VPS13C: variants seen among roughly 807,000 people sequenced by gnomAD.
VPS13C encodes intermembrane lipid transfer protein VPS13C.
A neutral mutation model predicts 456.8 loss-of-function variants in VPS13C; 358 were observed. That is an observed-to-expected ratio of 0.78 (90% confidence interval 0.72 to 0.86). VPS13C has a LOEUF of 0.86. Ranked by LOEUF, VPS13C falls within the 40% of genes least tolerant of loss-of-function variation. The pLI, the probability that VPS13C is intolerant of heterozygous loss-of-function variation, is 0.00. For synonymous variants in VPS13C, 1,578 were observed against 1,486.7 expected, an observed-to-expected ratio of 1.06 and a Z score of -1.41; for missense variants, 4,818 against 4,385.4, an observed-to-expected ratio of 1.10 and a Z score of -2.79.
intron 29 of VPS13C, among the ~76,000 whole-genome samples, chr15:61,966,884 T>G (rs570916141): frequency 6.6e-6 from 1 of 152,018 alleles, no homozygotes; most frequent in Non-Finnish European, 1.5e-5. Flanking sequence ...TCCAGAAGTA[T>G]TCAATAAATA....
Position 61,910,439 on chromosome 15 carries a change from T to C in VPS13C, c.8716-134A>G, listed in dbSNP as rs10851705. The C allele has an allele frequency of 0.53, 310,408 of 590,044 alleles. 83,435 individuals are homozygous for C. The highest frequency in any genetic ancestry group is 0.64 in the Admixed American group (13,510 of 21,244). 36.6% of individuals were successfully genotyped at this position (590,044 alleles called of 1,614,324 possible). On this transcript the variant is annotated intron_variant, in intron 63 of 84. Transcript: ENST00000644861. ...ATGAAGTTTCTAAAAATATGTCCTC[T>C]ACATCTCATAGTAAGATTACTGACA... is the stretch of plus-strand genomic sequence containing the variant.
chr15:61,930,153 C>T (rs1449071250), intron 50 of VPS13C, among the ~76,000 whole-genome samples: 1 of 152,090 alleles, frequency 6.6e-6, no homozygotes, highest in African/African-American at 2.4e-5. Context: ...ATAAAACCTC[C>T]CTGAAGGAAT....
intron 66 of VPS13C, among the ~76,000 whole-genome samples, chr15:61,896,351 C>T (rs995424823): frequency 1.3e-5 from 2 of 152,184 alleles, no homozygotes; most frequent in African/African-American, 4.8e-5. Flanking sequence ...AGGTTCATCT[C>T]ACTAGGGAGT....
At chr15:62,015,745 GA>G (rs2047215610) in intron 9 of VPS13C, among the ~76,000 whole-genome samples, 2 of 119,310 alleles carry the variant, frequency 1.7e-5, no homozygotes, top group African/African-American at 3.2e-5. Flanking sequence ...ATGGACACAG[GA>G]AGGGGAATAT....
At chr15:62,000,676 A>C in intron 15 of VPS13C, 50 bp from the exon 16 acceptor site, 1 of 1,517,768 alleles carries the variant, frequency 6.6e-7, no homozygotes, top group Admixed American at 2.1e-5. Flanking sequence ...CATTAGATAA[A>C]AGAAATTTTT....
rs201200169 is a variant in VPS13C, at chr15:61,984,802, T to C, written c.1721+55A>G. On this transcript the variant is annotated intron_variant, in intron 19 of 84. Coordinates refer to ENST00000644861, the MANE Select transcript of VPS13C (RefSeq NM_020821.3). ...TTTTAAACCTGAATAACACACATTT[T>C]TTGCCTAAAACTATAACTAAAAGTA... 282 of 1,550,680 alleles carry C rather than the reference T, an allele frequency of 1.8e-4. No homozygotes were observed. In the African/African-American group the frequency reaches 3.7e-3, roughly 20 times the overall value.
At chr15:62,050,170 C>T (rs1422136209) in intron 1 of VPS13C, among the ~76,000 whole-genome samples, 2 of 152,134 alleles carry the variant, frequency 1.3e-5, no homozygotes, top group Admixed American at 6.5e-5. Flanking sequence ...AAAAAACAAA[C>T]AGGGATATGT....
chr15:61,997,884 A>C (rs565389441), intron 16 of VPS13C, among the ~76,000 whole-genome samples: 18 of 152,302 alleles, frequency 1.2e-4, no homozygotes. Context: ...AGCCAGGGTG[A>C]ATTTTAAAAC....
chr15:61,886,994 G>C (rs1324378904), intron 67 of VPS13C, among the ~76,000 whole-genome samples: 1 of 152,126 alleles, frequency 6.6e-6, no homozygotes, highest in African/African-American at 2.4e-5. Context: ...ACCAGGATTA[G>C]GAACAAGGCA....
At position 61,882,655 on chromosome 15, in the gene VPS13C, T is replaced by C. The variant is rs1251275044; in HGVS notation, c.9565A>G (p.Ile3189Val). 2.5e-6 allele frequency: 4 copies of C among 1,602,958 alleles called. No homozygotes were observed. In the African/African-American group the frequency reaches 4.0e-5, roughly 16 times the overall value. Residue 3189 changes from isoleucine to valine, a missense_variant, in exon 69 of 85, where the codon ATT becomes GTT. Physicochemically the swap from Ile to Val is conservative, Grantham distance 29. Around this residue, in one of 3 missense-constraint regions of VPS13C, gnomAD observed 4,552 missense variants for 4,130.6 expected, o/e 1.10. Transcript: ENST00000644861. ...IKRDFLSGIQ[I>V]EFKQSSHQRS... The stretch of plus-strand genomic sequence containing the variant: ...TGGTGAGAAGACTGCTTAAATTCAA[T>C]CTGAATTCCTGATAAAAAGTCTCGT...
chr15:61,865,338 C>A (rs8037603), intron 81 of VPS13C: 470,225 of 966,598 alleles, frequency 0.49, 115,608 homozygotes, highest in Admixed American at 0.59. Context: ...TGAATTAAGA[C>A]GAGATAAAAA....
intron 14 of VPS13C, among the ~76,000 whole-genome samples, chr15:62,008,260 G>T (rs527414916): frequency 1.4e-4 from 21 of 151,794 alleles, no homozygotes; most frequent in African/African-American, 4.8e-4. Flanking sequence ...AATTAGCTGG[G>T]CGTGGTTGCA....
chr15:61,867,658 A>C lies in VPS13C; in HGVS notation c.10863+1001T>G. 8.1e-7 allele frequency: 1 copy of C among 1,233,418 alleles called. No homozygotes were observed. The highest frequency in any genetic ancestry group is 1.0e-6 in the Non-Finnish European group (1 of 984,678). The allele number at this position is 1,233,418 out of a possible 1,614,324, so 76.4% of individuals were successfully genotyped here. A position where few individuals can be genotyped will look rare whatever the true frequency, so the allele number is the denominator to read the frequency against. ...CAGTATCTGCTTCTGAGCTCAATAA[A>C]GGCTTTCATCTATTAAACGCAGAAG... On this transcript the variant is annotated intron_variant, in intron 81 of 84. Coordinates refer to ENST00000644861, the MANE Select transcript of VPS13C (RefSeq NM_020821.3). This position sits in a 1 kb window ranked among gnomAD's most constrained non-coding sequence, Gnocchi z 5.0.
chr15:61,933,802 T>C (rs1336808544), intron 49 of VPS13C, among the ~76,000 whole-genome samples: 3 of 152,066 alleles, frequency 2.0e-5, no homozygotes, highest in East Asian at 1.9e-4. Flanking sequence ...TTAATGCTTA[T>C]ATACCAAGGA....
intron 49 of VPS13C, among the ~76,000 whole-genome samples, chr15:61,933,146 T>G (rs1235107338): frequency 6.6e-6 from 1 of 152,158 alleles, no homozygotes; most frequent in Non-Finnish European, 1.5e-5. Flanking sequence ...CTGACAGTAC[T>G]CAGCATCTCA....
At chr15:62,034,750 T>C (rs1272688276) in intron 4 of VPS13C, among the ~76,000 whole-genome samples, 3 of 151,808 alleles carry the variant, frequency 2.0e-5, no homozygotes, top group Non-Finnish European at 4.4e-5. Flanking sequence ...GAATTAAATT[T>C]TCAACAACAA....
intron 82 of VPS13C, among the ~76,000 whole-genome samples, chr15:61,862,860 A>G (rs535841480): frequency 6.6e-6 from 1 of 152,288 alleles, no homozygotes; most frequent in East Asian, 1.9e-4. Context: ...ATAAAGCTCA[A>G]CACTAAGAAA....
At chr15:62,014,729 A>T (rs1210183382) in intron 9 of VPS13C, among the ~76,000 whole-genome samples, 2 of 152,160 alleles carry the variant, frequency 1.3e-5, no homozygotes, top group Admixed American at 1.3e-4. Flanking sequence ...CAAAAACACT[A>T]AAAGGTAGGT....
chr15:62,025,960 A>G (rs2047621735), intron 6 of VPS13C, among the ~76,000 whole-genome samples: 1 of 151,346 alleles, frequency 6.6e-6, no homozygotes, highest in South Asian at 2.1e-4. Context: ...TTTAAACACA[A>G]TGTTGTGAGA....
Sources: gnomAD v4.1 joint callset for allele counts (sites outside exome capture counted in the v4.1 genomes callset) on GRCh38, gnomAD v4.1.1 for gene constraint, gnomAD v4.1.1 regional missense constraint, Gnocchi (gnomAD v3.1) non-coding constraint, MANE v1.5 for transcripts, NCBI Gene and HGNC (gene_info 2026-07-23, HGNC 2026-07-21) for gene names.